Variants in NT5C3A observed in about 807,000 individuals in gnomAD.
NT5C3A encodes 5'-nucleotidase, cytosolic IIIA, also known as cytosolic 5'-nucleotidase 3A.
Under a neutral mutation model 40.0 loss-of-function variants are expected in NT5C3A, and 23 were observed. The ratio of observed to expected loss-of-function variants is 0.58; its 90% confidence interval spans 0.41 to 0.81. The LOEUF (loss-of-function observed/expected upper bound fraction) is 0.81. Ranked by LOEUF, NT5C3A falls within the 40% of genes least tolerant of loss-of-function variation. NT5C3A has a pLI of 0.00. For synonymous variants in NT5C3A, 130 were observed against 141.4 expected (o/e 0.92, Z 0.57); for missense variants, 328 against 403.0 (o/e 0.81, Z 1.59).
intron 1 of NT5C3A, chr7:33,041,246 G>T: frequency 2.2e-6 from 1 of 460,230 alleles, no homozygotes; most frequent in Non-Finnish European, 2.9e-6. Flanking sequence ...TCTGATATGT[G>T]AACTTTTCTG....
intron 2 of NT5C3A, among the ~76,000 whole-genome samples, chr7:33,026,348 C>T (rs1307264544): frequency 1.1e-4 from 1 of 8,804 alleles, no homozygotes; most frequent in African/African-American, 7.1e-4. Context: ...GACTCCATCT[C>T]AAAAGAAAAA....
At chr7:33,048,648 A>T (rs144385854) in intron 1 of NT5C3A, among the ~76,000 whole-genome samples, 1 of 152,196 alleles carries the variant, frequency 6.6e-6, no homozygotes, top group Non-Finnish European at 1.5e-5. Flanking sequence ...TCAAAATTAA[A>T]TAATTATATA....
At chr7:33,060,168 G>A (rs964698607) in intron 1 of NT5C3A, among the ~76,000 whole-genome samples, 5 of 152,106 alleles carry the variant, frequency 3.3e-5, no homozygotes, top group Non-Finnish European at 5.9e-5. Flanking sequence ...GCCCAGGCTG[G>A]TCTCGAACTC....
rs776873396 is a variant in NT5C3A at position 33,039,555 on chromosome 7, G to GTTTTTTTTTTTTT, written c.139-12641_139-12640insAAAAAAAAAAAAA. Among the ~76,000 whole-genome samples, 136 of 69,998 alleles carry GTTTTTTTTTTTTT rather than the reference G, an allele frequency of 1.9e-3. 15 individuals are homozygous for GTTTTTTTTTTTTT. Among genetic ancestry groups the GTTTTTTTTTTTTT allele is most frequent in the African/African-American group, 3.0e-3 (51 of 17,040 alleles). 45.9% of individuals were successfully genotyped at this position (69,998 alleles called of 152,430 possible). On this transcript the variant is annotated intron_variant, in intron 1 of 8. Coordinates refer to ENST00000610140, the MANE Select transcript of NT5C3A (RefSeq NM_001002010.5). ...TACTATTTGACTTTCTTAAGCTTGG[G>GTTTTTTTTTTTTT]TTTTTTGTTTTTTTTTTTTTTTAAT...
chr7:33,061,651 C>T (rs1787783156), intron 1 of NT5C3A, among the ~76,000 whole-genome samples: 2 of 152,078 alleles, frequency 1.3e-5, no homozygotes, highest in South Asian at 4.2e-4. Context: ...AGTATTACAC[C>T]CTAAAATGAT....
At position 33,024,052 on chromosome 7, in the gene NT5C3A, G is replaced by A. The variant is rs772505363; in HGVS notation, c.294C>T (p.Cys98=). Reference sequence around the variant, plus strand: ...TATCACACTTACTATGACATGTTGGGCATCTTTTCCCTTTATATGAAAATC... The same window carrying A: ...TATCACACTTACTATGACATGTTGGACATCTTTTCCCTTTATATGAAAATC... The part of the protein sequence containing the change: ...LSRFSYKGKR[C]PTCHNIIDNC... The change falls in exon 3 of 9, where the codon TGC becomes TGT. Residue 98 remains cysteine (C), a synonymous_variant. Coordinates refer to ENST00000610140, the MANE Select transcript of NT5C3A (RefSeq NM_001002010.5). The A allele has an allele frequency of 7.1e-6, 11 of 1,557,618 alleles. No individual in the cohort carries two copies. The highest frequency in any genetic ancestry group is 1.4e-5 in the African/African-American group (1 of 73,930).
At chr7:33,028,562 T>C (rs952696331) in intron 1 of NT5C3A, among the ~76,000 whole-genome samples, 9 of 152,248 alleles carry the variant, frequency 5.9e-5, no homozygotes, top group African/African-American at 1.9e-4. Context: ...ATTCTGGGTA[T>C]GTTATTAGTA....
At chr7:33,023,294 T>A (rs1026510571) in intron 3 of NT5C3A, among the ~76,000 whole-genome samples, 2 of 152,136 alleles carry the variant, frequency 1.3e-5, no homozygotes, top group Admixed American at 6.5e-5. Context: ...AGTTTCACTC[T>A]GTTGCCCAGG....
Position 33,029,783 on chromosome 7 carries a change from T to C in NT5C3A, c.139-2868A>G, listed in dbSNP as rs951051292. 12 of 1,040,716 alleles carry C rather than the reference T, an allele frequency of 1.2e-5. No individual in the cohort carries two copies. In the East Asian group the frequency reaches 4.2e-4, roughly 36 times the overall value. 64.5% of individuals were successfully genotyped at this position (1,040,716 alleles called of 1,614,324 possible). On this transcript the variant is annotated intron_variant, in intron 1 of 8. Coordinates refer to ENST00000610140, the MANE Select transcript of NT5C3A (RefSeq NM_001002010.5). ...GGTCTTGCTGTGTTTCCCAGGCTGG[T>C]CTCAAACTCCTGGGCTCAAGTGATC...
intron 1 of NT5C3A, among the ~76,000 whole-genome samples, chr7:33,047,481 A>T (rs1787201022): frequency 6.6e-6 from 1 of 152,200 alleles, no homozygotes; most frequent in Non-Finnish European, 1.5e-5. Context: ...CTGGCGGGTG[A>T]TAACTTGAGT....
chr7:33,022,990 T>TCAC (rs1433598647), intron 3 of NT5C3A, among the ~76,000 whole-genome samples: 1 of 151,652 alleles, frequency 6.6e-6, no homozygotes, highest in African/African-American at 2.4e-5. Flanking sequence ...CGATTATGGC[T>TCAC]CACTATAGAC....
chr7:33,038,942 A>G (rs2128008093), intron 1 of NT5C3A: 1 of 453,860 alleles, frequency 2.2e-6, no homozygotes, highest in East Asian at 6.9e-5. Context: ...TCTTCAAAGG[A>G]AGTTTTAACA....
rs1431380637 is a variant in NT5C3A at position 33,038,783 on chromosome 7, T to G, written c.139-11868A>C. 4 of 450,298 alleles carry G rather than the reference T, an allele frequency of 8.9e-6. No individual in the cohort carries two copies. The East Asian group carries it at 2.8e-4, about 31-fold the overall frequency. The allele number at this position is 450,298 out of a possible 1,614,324, so 27.9% of individuals were successfully genotyped here. A position where few individuals can be genotyped will look rare whatever the true frequency, so the allele number is the denominator to read the frequency against. On this transcript the variant is annotated intron_variant, in intron 1 of 8. Transcript: ENST00000610140. Reference sequence around the variant, plus strand: ...GAGTATTTTTAAACCAATAGGCTTGTAAACCTATACCTGGTATATAAAGTT... The same window carrying G: ...GAGTATTTTTAAACCAATAGGCTTGGAAACCTATACCTGGTATATAAAGTT...
At chr7:33,056,144 C>A (rs991257069) in intron 1 of NT5C3A, among the ~76,000 whole-genome samples, 1 of 151,978 alleles carries the variant, frequency 6.6e-6, no homozygotes, top group East Asian at 1.9e-4. Flanking sequence ...AGCACCCATT[C>A]CAACCCTCAA....
chr7:33,037,965 T>C (rs1786701819), intron 1 of NT5C3A, among the ~76,000 whole-genome samples: 1 of 152,108 alleles, frequency 6.6e-6, no homozygotes. Context: ...GTCTAACTTT[T>C]TTCTGTCACA....
At chr7:33,056,598 C>T (rs1045161125) in intron 1 of NT5C3A, among the ~76,000 whole-genome samples, 2 of 149,904 alleles carry the variant, frequency 1.3e-5, no homozygotes, top group Non-Finnish European at 3.0e-5. Flanking sequence ...CTTGAGCCCA[C>T]GAGTTTGAGG....
chr7:33,023,969 GTAATA>G, intron 3 of NT5C3A, 65 bp downstream of exon 3: 2 of 880,238 alleles, frequency 2.3e-6, no homozygotes, highest in Non-Finnish European at 3.8e-6. Context: ...TATCTCACAG[GTAATA>G]TAAAGAGGAT....
At chr7:33,026,068 C>T (rs1032974258) in intron 2 of NT5C3A, among the ~76,000 whole-genome samples, 8 of 152,174 alleles carry the variant, frequency 5.3e-5, no homozygotes, top group African/African-American at 1.9e-4. Flanking sequence ...CACCTGTAAT[C>T]CCAGCTGCTC....
chr7:33,020,382 G>A (rs763226449), intron 5 of NT5C3A, among the ~76,000 whole-genome samples: 1 of 152,158 alleles, frequency 6.6e-6, no homozygotes, highest in South Asian at 2.1e-4. Context: ...GCCTGGGTCA[G>A]CTTCTAACAT....
Sources: gnomAD v4.1 joint callset for allele counts (sites outside exome capture counted in the v4.1 genomes callset) on GRCh38, gnomAD v4.1.1 for gene constraint, MANE v1.5 for transcripts, NCBI Gene and HGNC (gene_info 2026-07-23, HGNC 2026-07-21) for gene names.